Variants in NCKAP1L observed in about 807,000 individuals in gnomAD.
NCKAP1L encodes the protein nck-associated protein 1-like.
NCKAP1L carries 53 observed loss-of-function variants against 139.2 expected under a neutral mutation model. The observed-to-expected ratio is 0.38, with a 90% CI of 0.31 to 0.48. NCKAP1L has a LOEUF of 0.48. Among genes scored for constraint, NCKAP1L ranks in the 20% least tolerant of loss-of-function variants. The pLI, the probability that NCKAP1L is intolerant of heterozygous loss-of-function variation, is 0.98. For synonymous variants in NCKAP1L, 468 were observed against 499.7 expected (o/e 0.94, Z 0.85); for missense variants, 1,151 against 1,381.9 (o/e 0.83, Z 2.65).
At position 54,531,368 on chromosome 12, in the gene NCKAP1L, A is replaced by C. The variant is rs556447193; in HGVS notation, c.2604+11A>C. On this transcript the variant is annotated intron_variant, in intron 23 of 30. Coordinates refer to ENST00000293373, the MANE Select transcript of NCKAP1L (RefSeq NM_005337.5). ...ATTGTGGAGCTGAAGGTACTATGGA[A>C]ACAATCCCTTGGGGAAAAGATCCTA... 1 of 1,613,788 alleles carries C rather than the reference A, an allele frequency of 6.2e-7. No homozygotes were observed. Among genetic ancestry groups the C allele is most frequent in the African/African-American group, 1.3e-5 (1 of 75,036 alleles).
intron 7 of NCKAP1L, among the ~76,000 whole-genome samples, chr12:54,511,324 G>C (rs1956888615): frequency 6.6e-6 from 1 of 152,172 alleles, no homozygotes; most frequent in South Asian, 2.1e-4. Flanking sequence ...CACTTCCAGT[G>C]CCTCATCACC....
intron 7 of NCKAP1L, chr12:54,510,426 TGATCC>T: frequency 2.6e-6 from 1 of 382,262 alleles, no homozygotes; most frequent in Non-Finnish European, 5.3e-6. Flanking sequence ...TGGGCTCAAG[TGATCC>T]TCCCACTTCA....
At chr12:54,516,463 T>TC (rs1279502019) in intron 10 of NCKAP1L, among the ~76,000 whole-genome samples, 168 bp downstream of exon 10, 4 of 151,928 alleles carry the variant, frequency 2.6e-5, no homozygotes, top group African/African-American at 7.2e-5. Flanking sequence ...TTTTTTTTTT[T>TC]TGAGACAGAG....
chr12:54,513,394 T>G (rs1432591112), intron 9 of NCKAP1L, among the ~76,000 whole-genome samples: 2 of 152,086 alleles, frequency 1.3e-5, no homozygotes, highest in African/African-American at 4.8e-5. Context: ...GGGAGTGAGG[T>G]CTGGATTCAG....
At chr12:54,516,329 A>G (rs373559394) in intron 10 of NCKAP1L, 34 bp downstream of exon 10, 8 of 1,590,764 alleles carry the variant, frequency 5.0e-6, no homozygotes, top group South Asian at 1.1e-5. Flanking sequence ...CTGAGAGGGG[A>G]TGGAATAGGA....
intron 3 of NCKAP1L, among the ~76,000 whole-genome samples, chr12:54,502,823 CAAAA>C (rs780466592): frequency 5.2e-5 from 3 of 57,958 alleles, no homozygotes; most frequent in Admixed American, 2.6e-4. Context: ...CCCATCTACA[CAAAA>C]AAAAAAAAAA....
intron 25 of NCKAP1L, 43 bp downstream of exon 25, chr12:54,531,868 T>C (rs750961972): frequency 1.4e-6 from 2 of 1,457,474 alleles, no homozygotes; most frequent in Non-Finnish European, 9.6e-7. Flanking sequence ...CACAGATACC[T>C]CTGTGGGTAG....
At chr12:54,515,688 C>A (rs11170961) in intron 9 of NCKAP1L, among the ~76,000 whole-genome samples, 26,325 of 151,980 alleles carry the variant, frequency 0.17, 2,537 homozygotes, top group Non-Finnish European at 0.19. Flanking sequence ...TCTTAGAATA[C>A]GGGAGGCTTT....
intron 26 of NCKAP1L, 61 bp downstream of exon 26, chr12:54,532,311 C>A: frequency 7.1e-7 from 1 of 1,408,880 alleles, no homozygotes. Context: ...AAGGAGGTAG[C>A]TAGGATCTTG....
rs776715263 is a variant in NCKAP1L at position 54,507,883 on chromosome 12, G to A, written c.337G>A (p.Asp113Asn). 1 of 1,613,956 alleles carries A rather than the reference G, an allele frequency of 6.2e-7. No homozygotes were observed. The highest frequency in any genetic ancestry group is 1.1e-5 in the South Asian group (1 of 91,078). ...DHVYELLNTI[D>N]ACQCHFDINL... ...TGTATATGAACTTCTCAACACCATT[G>A]ATGCCTGCCAGTGCCATTTTGATAT... The change falls in exon 4 of 31, where the codon GAT becomes AAT. Residue 113 changes from aspartate (D) to asparagine (N), a missense_variant. Asp to Asn is a conservative substitution (Grantham distance 23). Transcript: ENST00000293373.
chr12:54,542,802 G>T lies in NCKAP1L; in HGVS notation c.*117G>T, dbSNP rs1249455398. The T allele has an allele frequency of 2.9e-6, 2 of 689,828 alleles. No individual in the cohort carries two copies. Among genetic ancestry groups the T allele is most frequent in the African/African-American group, 1.8e-5 (1 of 56,914 alleles). The allele number at this position is 689,828 out of a possible 1,614,324, so 42.7% of individuals were successfully genotyped here. On this transcript the variant is annotated 3_prime_UTR_variant, in exon 31 of 31. Coordinates refer to ENST00000293373, the MANE Select transcript of NCKAP1L (RefSeq NM_005337.5). The stretch of plus-strand genomic sequence containing the variant: ...GGGGTGGGGTCACTAAGGAGAGAGG[G>T]TCAGGAGCCAGAGTTGATGAGCAGA...
intron 3 of NCKAP1L, among the ~76,000 whole-genome samples, chr12:54,506,796 A>AAT (rs1171488876): frequency 0.038 from 1,899 of 50,594 alleles, 53 homozygotes; most frequent in Middle Eastern, 0.057. Flanking sequence ...AAAAAAAAAA[A>AAT]ATATATATAT....
chr12:54,506,792 A>ATATATATATATAT (rs1555170876), intron 3 of NCKAP1L, among the ~76,000 whole-genome samples: 14 of 23,148 alleles, frequency 6.0e-4, no homozygotes, highest in East Asian at 8.8e-3. Context: ...TATTAAAAAA[A>ATATATATATATAT]AAAAATATAT....
chr12:54,512,850 A>T (rs987505856), intron 9 of NCKAP1L, among the ~76,000 whole-genome samples: 3 of 151,838 alleles, frequency 2.0e-5, no homozygotes, highest in African/African-American at 7.3e-5. Context: ...AAGGTAGGGG[A>T]GTTGCTTGAG....
chr12:54,517,512 T>C, intron 11 of NCKAP1L, 21 bp from the exon 12 acceptor site: 2 of 1,534,634 alleles, frequency 1.3e-6, no homozygotes, highest in Non-Finnish European at 1.8e-6. Flanking sequence ...AAAATTCTAA[T>C]AGTCTCTACC....
rs781373740 is a variant in NCKAP1L, at chr12:54,499,325, G to T, written c.103-30G>T. On this transcript the variant is annotated intron_variant, in intron 1 of 30. Coordinates refer to ENST00000293373, the MANE Select transcript of NCKAP1L (RefSeq NM_005337.5). ...TATGTTTCTGAGGAGGAGGAGAAAG[G>T]GTTGAAATATATATGGTTTCTCTCT... 4 of 1,205,722 alleles carry T rather than the reference G, an allele frequency of 3.3e-6. No homozygotes were observed. In the East Asian group the frequency reaches 7.0e-5, roughly 21 times the overall value. 74.7% of individuals were successfully genotyped at this position (1,205,722 alleles called of 1,614,324 possible).
intron 21 of NCKAP1L, among the ~76,000 whole-genome samples, chr12:54,527,391 G>A (rs552537226): frequency 2.0e-5 from 3 of 152,190 alleles, no homozygotes; most frequent in South Asian, 2.1e-4. Context: ...GCAAATGCCA[G>A]TTGGGGCCAG....
At chr12:54,534,405 GCTAT>G (rs1957097778) in intron 26 of NCKAP1L, among the ~76,000 whole-genome samples, 1 of 152,170 alleles carries the variant, frequency 6.6e-6, no homozygotes, top group Non-Finnish European at 1.5e-5. Flanking sequence ...GTTTTAAAAA[GCTAT>G]CTATTTGGCA....
intron 3 of NCKAP1L, among the ~76,000 whole-genome samples, chr12:54,505,102 A>G (rs1350849398): frequency 6.6e-6 from 1 of 152,236 alleles, no homozygotes. Context: ...TACTAGCTCT[A>G]TGATCTTAGG....
Sources: gnomAD v4.1 joint callset for allele counts (sites outside exome capture counted in the v4.1 genomes callset) on GRCh38, gnomAD v4.1.1 for gene constraint, MANE v1.5 for transcripts, NCBI Gene and HGNC (gene_info 2026-07-23, HGNC 2026-07-21) for gene names.